The following CCSER1 variants were observed in gnomAD, a reference collection of about 807,000 sequenced individuals.
The protein encoded by CCSER1 is coiled-coil serine rich protein 1.
A neutral mutation model predicts 82.0 loss-of-function variants in CCSER1; 41 were observed. That is an observed-to-expected ratio of 0.50 (90% CI 0.39 to 0.65). CCSER1 has a LOEUF of 0.65. CCSER1 is among the 30% of genes least tolerant of loss of function. The probability of loss-of-function intolerance (pLI) is 0.00; values close to 1 mark genes in which losing one functional copy is unlikely to be tolerated. For synonymous variants in CCSER1, 414 were observed against 383.9 expected, an observed-to-expected ratio of 1.08 and a Z score of -0.92; for missense variants, 1,119 against 1,064.2, an observed-to-expected ratio of 1.05 and a Z score of -0.72.
intron 5 of CCSER1, among the ~76,000 whole-genome samples, chr4:90,609,477 T>C (rs926835304): frequency 3.3e-4 from 37 of 110,770 alleles, no homozygotes; most frequent in Middle Eastern, 4.2e-3. Context: ...AGTTTTCCTT[T>C]TGATAGAACA....
intron 10 of CCSER1, among the ~76,000 whole-genome samples, chr4:91,240,033 T>C (rs1460293635): frequency 2.0e-5 from 1 of 49,214 alleles, no homozygotes; most frequent in African/African-American, 9.4e-5. Context: ...GTTAATGCAG[T>C]GCACCTGTTT....
At chr4:91,110,498 TC>T (rs1726007278) in intron 10 of CCSER1, among the ~76,000 whole-genome samples, 1 of 152,026 alleles carries the variant, frequency 6.6e-6, no homozygotes, top group African/African-American at 2.4e-5. Context: ...AGCCACTTAC[TC>T]AACACCACAT....
intron 7 of CCSER1, among the ~76,000 whole-genome samples, chr4:90,729,713 A>T (rs558093977): frequency 6.6e-6 from 1 of 152,122 alleles, no homozygotes; most frequent in South Asian, 2.1e-4. Context: ...GTCTCTACTA[A>T]AAATACAAAA....
chr4:90,629,407 G>A (rs1467820154), intron 6 of CCSER1, among the ~76,000 whole-genome samples: 3 of 152,174 alleles, frequency 2.0e-5, no homozygotes, highest in East Asian at 1.9e-4. Context: ...AGCAGAAGGC[G>A]ATGAAGGAGC....
intron 1 of CCSER1, among the ~76,000 whole-genome samples, chr4:90,137,026 A>G (rs1481729398): frequency 6.6e-6 from 1 of 152,190 alleles, no homozygotes; most frequent in African/African-American, 2.4e-5. Context: ...TTTCAAAGGA[A>G]TGTTACCTAG....
At chr4:90,161,397 T>A (rs1729412472) in intron 1 of CCSER1, among the ~76,000 whole-genome samples, 1 of 152,200 alleles carries the variant, frequency 6.6e-6, no homozygotes, top group African/African-American at 2.4e-5. Flanking sequence ...TTTATGCACA[T>A]GTTGCAGATG....
chr4:91,130,813 A>G (rs1727924732), intron 10 of CCSER1, among the ~76,000 whole-genome samples: 1 of 151,834 alleles, frequency 6.6e-6, no homozygotes. Flanking sequence ...GTTAATAATA[A>G]CGAGTTCAAG....
At chr4:90,794,760 CTA>C (rs1248118112) in intron 7 of CCSER1, among the ~76,000 whole-genome samples, 4 of 152,104 alleles carry the variant, frequency 2.6e-5, no homozygotes, top group African/African-American at 4.8e-5. Flanking sequence ...GCTTTGGGCA[CTA>C]TGGCTATTTT....
intron 1 of CCSER1, among the ~76,000 whole-genome samples, chr4:90,204,797 TC>T: frequency 6.6e-6 from 1 of 152,364 alleles, no homozygotes; most frequent in East Asian, 1.9e-4. Flanking sequence ...ATGGCCATTT[TC>T]ATGATATTGA....
chr4:90,402,009 G>A (rs1366845803), intron 4 of CCSER1, among the ~76,000 whole-genome samples: 6 of 152,164 alleles, frequency 3.9e-5, no homozygotes, highest in East Asian at 1.9e-4. Context: ...TGAAGTGTTC[G>A]TGTCCTCTCA....
intron 8 of CCSER1, among the ~76,000 whole-genome samples, chr4:90,873,655 A>G (rs1370376198): frequency 1.3e-5 from 2 of 152,156 alleles, no homozygotes; most frequent in African/African-American, 4.8e-5. Context: ...TTGAATATGC[A>G]CAGATCATCT....
chr4:90,196,656 T>TACACACACACACACACACAC (rs34346681), intron 1 of CCSER1, among the ~76,000 whole-genome samples: 149 of 143,894 alleles, frequency 1.0e-3, no homozygotes, highest in East Asian at 3.2e-3. Context: ...CCTGCTCAGA[T>TACACACACACACACACACAC]ACACACACAC....
At chr4:90,815,641 A>G in intron 7 of CCSER1, 121 bp from the exon 8 acceptor site, 1 of 612,940 alleles carries the variant, frequency 1.6e-6, no homozygotes, top group Admixed American at 3.1e-5. Context: ...CATACTATAG[A>G]GGGAATTTGA....
At chr4:90,977,700 A>G (rs926935670) in intron 9 of CCSER1, among the ~76,000 whole-genome samples, 3 of 151,608 alleles carry the variant, frequency 2.0e-5, no homozygotes, top group African/African-American at 7.3e-5. Context: ...TACAACATAC[A>G]TAATCTTATA....
At chr4:91,394,553 A>G (rs1751850326) in intron 10 of CCSER1, among the ~76,000 whole-genome samples, 2 of 152,092 alleles carry the variant, frequency 1.3e-5, no homozygotes, top group Admixed American at 1.3e-4. Flanking sequence ...AGGTGGCAAT[A>G]GAGTAATATT....
intron 10 of CCSER1, among the ~76,000 whole-genome samples, chr4:91,455,166 A>G (rs1756086852): frequency 6.6e-6 from 1 of 152,018 alleles, no homozygotes; most frequent in Admixed American, 6.6e-5. Context: ...AAATAACACA[A>G]TGAGTGGAGG....
chr4:91,370,264 T>C (rs1001736443), intron 10 of CCSER1, among the ~76,000 whole-genome samples: 2 of 152,138 alleles, frequency 1.3e-5, no homozygotes, highest in African/African-American at 4.8e-5. Context: ...AATACACAAA[T>C]TGACAATATT....
At chr4:91,231,365 A>T (rs557194028) in intron 10 of CCSER1, among the ~76,000 whole-genome samples, 1 of 151,954 alleles carries the variant, frequency 6.6e-6, no homozygotes, top group East Asian at 1.9e-4. Context: ...TGAGTATAGG[A>T]TAATTCCATT....
intron 6 of CCSER1, among the ~76,000 whole-genome samples, chr4:90,656,059 C>T (rs1305701941): frequency 6.6e-6 from 1 of 151,890 alleles, no homozygotes; most frequent in Non-Finnish European, 1.5e-5. Context: ...TTGATCACCT[C>T]TTCACTTCAT....
Sources: gnomAD v4.1 joint callset for allele counts (sites outside exome capture counted in the v4.1 genomes callset) on GRCh38, gnomAD v4.1.1 for gene constraint, MANE v1.5 for transcripts, NCBI Gene and HGNC (gene_info 2026-07-23, HGNC 2026-07-21) for gene names.